ANKS1B: variants seen among roughly 807,000 people sequenced by gnomAD.
ANKS1B encodes ankyrin repeat and sterile alpha motif domain-containing protein 1B.
ANKS1B carries 36 observed loss-of-function variants against 148.3 expected under a neutral mutation model. The observed-to-expected ratio is 0.24, with a 90% CI of 0.19 to 0.32. The LOEUF is 0.32. ANKS1B is among the 10% of genes least tolerant of loss of function. The probability of loss-of-function intolerance (pLI) is 1.00; values close to 1 mark genes in which losing one functional copy is unlikely to be tolerated. For missense variants in ANKS1B, 1,157 were observed against 1,542.6 expected (o/e 0.75, Z 4.19); for synonymous variants, 542 against 560.8 (o/e 0.97, Z 0.47).
chr12:99,666,182 C>G (rs1265729176), intron 8 of ANKS1B, among the ~76,000 whole-genome samples: 1 of 152,152 alleles, frequency 6.6e-6, no homozygotes, highest in African/African-American at 2.4e-5. Flanking sequence ...TAAATCTCTT[C>G]TTATGTGAAT....
intron 14 of ANKS1B, among the ~76,000 whole-genome samples, chr12:99,177,368 C>T (rs2078528204): frequency 6.6e-6 from 1 of 152,098 alleles, no homozygotes; most frequent in Non-Finnish European, 1.5e-5. Context: ...AGAATTTCAC[C>T]TGGAGGATGA....
At chr12:98,970,900 T>C (rs2099882551) in intron 17 of ANKS1B, among the ~76,000 whole-genome samples, 1 of 152,192 alleles carries the variant, frequency 6.6e-6, no homozygotes, top group South Asian at 2.1e-4. Context: ...GATCTGTTAA[T>C]CCTCTGAAAT....
intron 9 of ANKS1B, among the ~76,000 whole-genome samples, chr12:99,592,983 G>A (rs1320499797): frequency 1.3e-5 from 2 of 152,118 alleles, no homozygotes; most frequent in Non-Finnish European, 2.9e-5. Context: ...AGAAATGAAT[G>A]TCTAGGTTAT....
chr12:99,378,421 C>T (rs943165964), intron 12 of ANKS1B, among the ~76,000 whole-genome samples: 14 of 151,742 alleles, frequency 9.2e-5, no homozygotes, highest in Non-Finnish European at 1.0e-4. Context: ...TTTGGGAGGA[C>T]GAGGTGGGCA....
rs1299086388 is a variant in ANKS1B, at chr12:98,829,638, A to C, written c.2887-285T>G. Among the ~76,000 whole-genome samples, 1 of 152,194 alleles carries C rather than the reference A, an allele frequency of 6.6e-6. No individual in the cohort carries two copies. Among genetic ancestry groups the C allele is most frequent in the Non-Finnish European group, 1.5e-5 (1 of 68,026 alleles). On this transcript the variant is annotated intron_variant, in intron 18 of 26. Transcript: ENST00000683438. This position sits in a 1 kb window ranked among gnomAD's most constrained non-coding sequence, Gnocchi z 5.2. The stretch of plus-strand genomic sequence containing the variant: ...GGAGGGAGGCACACCTATGTTGGGC[A>C]CCTCTGACACTACTGCATGTGTTTA...
intron 1 of ANKS1B, among the ~76,000 whole-genome samples, chr12:99,955,492 C>CAAAAAAAAAAAAAAAAAAA (rs61654867): frequency 7.9e-5 from 3 of 38,094 alleles, no homozygotes; most frequent in Admixed American, 5.0e-4. Flanking sequence ...AACTCCGTCT[C>CAAAAAAAAAAAAAAAAAAA]AAAAAAAAAA....
intron 1 of ANKS1B, among the ~76,000 whole-genome samples, chr12:99,968,296 G>A (rs182998193): frequency 1.3e-4 from 20 of 152,130 alleles, no homozygotes; most frequent in Admixed American, 3.3e-4. Flanking sequence ...GGTGGCTGAC[G>A]CCTGTAATCC....
intron 14 of ANKS1B, among the ~76,000 whole-genome samples, chr12:99,196,183 T>A (rs2081360437): frequency 6.6e-6 from 1 of 152,198 alleles, no homozygotes; most frequent in Admixed American, 6.5e-5. Context: ...GCAATGGGAA[T>A]TACTTTTATA....
chr12:99,257,643 T>C (rs934232314), intron 12 of ANKS1B, among the ~76,000 whole-genome samples: 7 of 152,186 alleles, frequency 4.6e-5, no homozygotes, highest in Admixed American at 4.6e-4. Context: ...CTATAGTCAT[T>C]GAGCGCTAAA....
At chr12:98,811,614 T>C (rs895007518) in intron 19 of ANKS1B, among the ~76,000 whole-genome samples, 6 of 152,134 alleles carry the variant, frequency 3.9e-5, no homozygotes, top group Admixed American at 2.6e-4. Flanking sequence ...TTCTGTCTCC[T>C]CTCTCATGGC....
intron 11 of ANKS1B, among the ~76,000 whole-genome samples, chr12:99,429,888 C>G (rs1305014810): frequency 6.6e-6 from 1 of 151,852 alleles, no homozygotes; most frequent in African/African-American, 2.4e-5. Flanking sequence ...GACGTGAACC[C>G]GGGAGGCGAA....
At chr12:98,805,313 T>TC (rs534108032) in intron 20 of ANKS1B, among the ~76,000 whole-genome samples, 18 of 151,986 alleles carry the variant, frequency 1.2e-4, no homozygotes, top group Non-Finnish European at 2.5e-4. Flanking sequence ...AGGCCTTTTT[T>TC]TTTATTAAGC....
At chr12:99,253,545 G>A (rs553347378) in intron 12 of ANKS1B, among the ~76,000 whole-genome samples, 1 of 152,044 alleles carries the variant, frequency 6.6e-6, no homozygotes, top group Non-Finnish European at 1.5e-5. Context: ...CTCATTAAAC[G>A]TGGGAAACAA....
intron 14 of ANKS1B, among the ~76,000 whole-genome samples, chr12:99,233,069 A>T (rs986314889): frequency 1.3e-4 from 20 of 152,186 alleles, no homozygotes; most frequent in African/African-American, 4.8e-4. Flanking sequence ...CAAAATTATT[A>T]AAAATATTGT....
intron 1 of ANKS1B, among the ~76,000 whole-genome samples, chr12:99,946,811 G>T (rs1214144384): frequency 6.6e-6 from 1 of 152,102 alleles, no homozygotes; most frequent in Non-Finnish European, 1.5e-5. Context: ...ACATGGCATG[G>T]CTAGACCATT....
chr12:98,976,692 G>A (rs574889531), intron 17 of ANKS1B: 6 of 152,260 alleles, frequency 3.9e-5, no homozygotes, highest in African/African-American at 1.4e-4. Context: ...CTATGTAAGT[G>A]CCATAAAATT....
At chr12:99,815,173 A>C (rs1427193165) in intron 2 of ANKS1B, among the ~76,000 whole-genome samples, 1 of 151,730 alleles carries the variant, frequency 6.6e-6, no homozygotes, top group East Asian at 1.9e-4. Context: ...TTAGAATTTC[A>C]TTTGTTCTTT....
chr12:98,822,707 G>A (rs920806006), intron 19 of ANKS1B, among the ~76,000 whole-genome samples: 1 of 152,176 alleles, frequency 6.6e-6, no homozygotes, highest in African/African-American at 2.4e-5. Flanking sequence ...AGACGTCAGA[G>A]CTTCTCTAGC....
intron 14 of ANKS1B, among the ~76,000 whole-genome samples, chr12:99,181,846 A>G (rs2079154614): frequency 1.3e-5 from 2 of 151,812 alleles, no homozygotes; most frequent in South Asian, 2.1e-4. Flanking sequence ...TTAAATTATT[A>G]TATTTAATTA....
Sources: gnomAD v4.1 joint callset for allele counts (sites outside exome capture counted in the v4.1 genomes callset) on GRCh38, gnomAD v4.1.1 for gene constraint, Gnocchi (gnomAD v3.1) non-coding constraint, MANE v1.5 for transcripts, NCBI Gene and HGNC (gene_info 2026-07-23, HGNC 2026-07-21) for gene names.